The following SLC9A9 variants were observed in gnomAD, a reference collection of about 807,000 sequenced individuals.
SLC9A9 encodes the protein sodium/hydrogen exchanger 9.
A neutral mutation model predicts 77.8 loss-of-function variants in SLC9A9; 62 were observed. The ratio of observed to expected loss-of-function variants is 0.80; its 90% CI spans 0.65 to 0.98. SLC9A9 has a LOEUF of 0.98. Ranked by LOEUF, SLC9A9 falls within the 50% of genes least tolerant of loss-of-function variation. SLC9A9 has a pLI of 0.00. For missense variants in SLC9A9, 775 were observed against 774.9 expected, an observed-to-expected ratio of 1.00 and a Z score of 0.00; for synonymous variants, 320 against 283.5, an observed-to-expected ratio of 1.13 and a Z score of -1.29.
At chr3:143,419,988 T>C (rs771376320) in intron 12 of SLC9A9, among the ~76,000 whole-genome samples, 11 of 152,194 alleles carry the variant, frequency 7.2e-5, no homozygotes, top group Non-Finnish European at 1.5e-4. Context: ...AAAAGTGATA[T>C]TCTGAGTTCA....
chr3:143,539,876 AAG>A (rs67678469), intron 9 of SLC9A9, among the ~76,000 whole-genome samples: 123 of 150,312 alleles, frequency 8.2e-4, no homozygotes, highest in South Asian at 6.6e-3. Context: ...GTGAAAAATT[AAG>A]AGAGAGAGAG....
chr3:143,813,071 G>A (rs2008912415), intron 2 of SLC9A9, among the ~76,000 whole-genome samples: 1 of 152,038 alleles, frequency 6.6e-6, no homozygotes, highest in African/African-American at 2.4e-5. Context: ...AGAATTTTCT[G>A]TGTACCGAGT....
intron 6 of SLC9A9, among the ~76,000 whole-genome samples, chr3:143,645,754 C>T (rs997219235): frequency 3.1e-4 from 47 of 151,984 alleles, no homozygotes; most frequent in African/African-American, 1.1e-3. Flanking sequence ...TTTAAAAAGA[C>T]AAAATTGGTG....
chr3:143,396,635 C>T (rs941242613), intron 12 of SLC9A9, among the ~76,000 whole-genome samples: 5 of 151,986 alleles, frequency 3.3e-5, no homozygotes, highest in African/African-American at 1.2e-4. Flanking sequence ...AGGATCTAGC[C>T]CCTAGAAAAT....
intron 12 of SLC9A9, among the ~76,000 whole-genome samples, chr3:143,429,289 G>A (rs2034464021): frequency 6.6e-6 from 1 of 152,172 alleles, no homozygotes; most frequent in Non-Finnish European, 1.5e-5. Context: ...TTTAGCAGAG[G>A]AATTTCTTTA....
chr3:143,747,913 G>T (rs569512314), intron 4 of SLC9A9, among the ~76,000 whole-genome samples: 13 of 152,084 alleles, frequency 8.5e-5, no homozygotes, highest in Non-Finnish European at 1.9e-4. Flanking sequence ...TCAGGGTAGG[G>T]AGCGCTCCCA....
intron 4 of SLC9A9, among the ~76,000 whole-genome samples, chr3:143,702,513 A>G (rs1469819174): frequency 6.6e-6 from 1 of 151,922 alleles, no homozygotes; most frequent in African/African-American, 2.4e-5. Flanking sequence ...ATAATGAGTT[A>G]CAAGATAGTA....
chr3:143,407,452 G>A (rs2034003808), intron 12 of SLC9A9, among the ~76,000 whole-genome samples: 2 of 151,990 alleles, frequency 1.3e-5, no homozygotes, highest in East Asian at 1.9e-4. Context: ...AAAAAAAAGA[G>A]GAAATATGCC....
chr3:143,321,190 C>T (rs1261203035), intron 14 of SLC9A9, among the ~76,000 whole-genome samples: 1 of 152,174 alleles, frequency 6.6e-6, no homozygotes, highest in Non-Finnish European at 1.5e-5. Flanking sequence ...GAAACTAATG[C>T]CTGAAGGTTA....
chr3:143,531,033 A>C (rs1280367925), intron 9 of SLC9A9, among the ~76,000 whole-genome samples: 2 of 152,262 alleles, frequency 1.3e-5, no homozygotes, highest in East Asian at 3.8e-4. Flanking sequence ...ACATGCATAT[A>C]GTGCTCATTA....
intron 4 of SLC9A9, among the ~76,000 whole-genome samples, chr3:143,710,936 G>C (rs1447919002): frequency 6.6e-6 from 1 of 152,114 alleles, no homozygotes; most frequent in Non-Finnish European, 1.5e-5. Flanking sequence ...TCCCCAATCA[G>C]ATCAATTTTC....
chr3:143,787,572 G>T (rs539281666), intron 4 of SLC9A9, among the ~76,000 whole-genome samples: 1 of 152,214 alleles, frequency 6.6e-6, no homozygotes, highest in African/African-American at 2.4e-5. Context: ...TACAGGACTT[G>T]ATTTGTTTAT....
intron 6 of SLC9A9, among the ~76,000 whole-genome samples, chr3:143,651,785 A>G (rs1275063924): frequency 1.3e-5 from 2 of 152,198 alleles, no homozygotes; most frequent in African/African-American, 2.4e-5. Flanking sequence ...TGTTTTAAAG[A>G]TGTATGCATT....
chr3:143,330,516 G>A (rs1363597647), intron 14 of SLC9A9, among the ~76,000 whole-genome samples: 1 of 152,202 alleles, frequency 6.6e-6, no homozygotes, highest in East Asian at 1.9e-4. Flanking sequence ...TTTTGAGAGT[G>A]TCTCTTTAAC....
intron 6 of SLC9A9, among the ~76,000 whole-genome samples, chr3:143,636,994 T>C (rs1335746935): frequency 6.6e-6 from 1 of 152,098 alleles, no homozygotes; most frequent in Non-Finnish European, 1.5e-5. Context: ...AAAGTCCCAT[T>C]AAAATGAATG....
chr3:143,643,467 G>T (rs2038654626), intron 6 of SLC9A9, among the ~76,000 whole-genome samples: 1 of 152,166 alleles, frequency 6.6e-6, no homozygotes, highest in East Asian at 1.9e-4. Context: ...CTTTAGACAG[G>T]GTTCTGATTT....
intron 4 of SLC9A9, among the ~76,000 whole-genome samples, chr3:143,752,685 T>G (rs1393304425): frequency 6.6e-6 from 1 of 152,052 alleles, no homozygotes; most frequent in African/African-American, 2.4e-5. Context: ...AAAGGTTTTT[T>G]TTTTTTTTTT....
At chr3:143,292,546 C>G (rs1164608978) in intron 14 of SLC9A9, among the ~76,000 whole-genome samples, 1 of 152,082 alleles carries the variant, frequency 6.6e-6, no homozygotes, top group Non-Finnish European at 1.5e-5. Context: ...GTCCTCTACT[C>G]TCCTGTGTTT....
chr3:143,489,433 C>T (rs2108587333), intron 11 of SLC9A9, among the ~76,000 whole-genome samples: 1 of 152,000 alleles, frequency 6.6e-6, no homozygotes, highest in East Asian at 1.9e-4. Context: ...CCAAAACAAT[C>T]TTGAAAAAGT....
Sources: allele counts gnomAD v4.1 joint callset (sites outside exome capture counted in the v4.1 genomes callset), GRCh38; gene constraint gnomAD v4.1.1; transcripts MANE v1.5; gene names NCBI Gene and HGNC (gene_info 2026-07-23, HGNC 2026-07-21).